Variants in LRRC28 observed in about 807,000 individuals in gnomAD.
LRRC28 encodes the protein leucine rich repeat containing 28.
Under a neutral mutation model 45.7 loss-of-function variants are expected in LRRC28, and 39 were observed. The ratio of observed to expected loss-of-function variants is 0.85; its 90% CI spans 0.66 to 1.12. The LOEUF (loss-of-function observed/expected upper bound fraction) is 1.12, where lower values mean the gene tolerates loss of function less well. LRRC28 is among the 50% of genes most tolerant of loss of function. The probability of loss-of-function intolerance (pLI) is 0.00; values close to 1 mark genes in which losing one functional copy is unlikely to be tolerated. For missense variants in LRRC28, 435 were observed against 438.5 expected (o/e 0.99, Z 0.07); for synonymous variants, 206 against 178.8 (o/e 1.15, Z -1.22).
chr15:99,387,283 A>C lies in LRRC28; in HGVS notation c.*1181A>C, dbSNP rs1052788713. On this transcript the variant is annotated 3_prime_UTR_variant, in exon 10 of 10. Coordinates refer to ENST00000301981, the MANE Select transcript of LRRC28 (RefSeq NM_144598.5). ...CACCGTGTTAGCCGGGATGGTCTCG[A>C]TCTCCTGACCTCGTGATCCGCACGC... is the stretch of plus-strand genomic sequence containing the variant. The C allele has an allele frequency of 6.6e-6, 1 of 151,350 alleles. No homozygotes were observed. Among genetic ancestry groups the C allele is most frequent in the Non-Finnish European group, 1.5e-5 (1 of 67,824 alleles). The allele number at this position is 151,350 out of a possible 1,614,324, so 9.4% of individuals were successfully genotyped here. A position where few individuals can be genotyped will look rare whatever the true frequency, so the allele number is the denominator to read the frequency against.
At chr15:99,298,406 C>T (rs2082319887) in intron 5 of LRRC28, among the ~76,000 whole-genome samples, 1 of 152,148 alleles carries the variant, frequency 6.6e-6, no homozygotes, top group African/African-American at 2.4e-5. Flanking sequence ...GTATTTTCCA[C>T]TATTTATCTC....
At chr15:99,335,909 C>G (rs962831067) in intron 6 of LRRC28, among the ~76,000 whole-genome samples, 1 of 152,128 alleles carries the variant, frequency 6.6e-6, no homozygotes. Context: ...ATGCAACTTA[C>G]TGGCATAACA....
chr15:99,295,074 A>G (rs2082228533), intron 5 of LRRC28, among the ~76,000 whole-genome samples: 1 of 152,068 alleles, frequency 6.6e-6, no homozygotes, highest in African/African-American at 2.4e-5. Context: ...CAATTGCTTC[A>G]TATGTTTTTG....
At chr15:99,366,241 C>T (rs568204323) in intron 9 of LRRC28, among the ~76,000 whole-genome samples, 1 of 152,126 alleles carries the variant, frequency 6.6e-6, no homozygotes, top group African/African-American at 2.4e-5. Flanking sequence ...GGGATCTGTT[C>T]CAGGCCTCCA....
chr15:99,342,160 C>T (rs1956535833), intron 6 of LRRC28, among the ~76,000 whole-genome samples: 2 of 152,290 alleles, frequency 1.3e-5, no homozygotes, highest in South Asian at 4.1e-4. Context: ...ACCTTTAAAG[C>T]AAGCAAAGAG....
At chr15:99,275,155 C>G (rs1034446810) in intron 2 of LRRC28, among the ~76,000 whole-genome samples, 1 of 152,156 alleles carries the variant, frequency 6.6e-6, no homozygotes, top group Non-Finnish European at 1.5e-5. Context: ...TGTGTGTGTG[C>G]GTATGCAGAC....
At chr15:99,302,279 G>A (rs1239570869) in intron 5 of LRRC28, among the ~76,000 whole-genome samples, 6 of 152,154 alleles carry the variant, frequency 3.9e-5, no homozygotes, top group South Asian at 2.1e-4. Flanking sequence ...TGCCCGCCTC[G>A]GCCTCCCAAA....
chr15:99,286,204 C>A (rs1414691819), intron 3 of LRRC28, among the ~76,000 whole-genome samples: 2 of 152,210 alleles, frequency 1.3e-5, no homozygotes, highest in Non-Finnish European at 2.9e-5. Flanking sequence ...AATCGCGGCT[C>A]ACTGCAACCT....
intron 9 of LRRC28, among the ~76,000 whole-genome samples, chr15:99,379,714 G>A (rs1957759091): frequency 6.6e-6 from 1 of 152,188 alleles, no homozygotes; most frequent in African/African-American, 2.4e-5. Flanking sequence ...TGCTTTAAAT[G>A]TGTCCCAGAG....
chr15:99,312,730 C>G (rs989955729), intron 5 of LRRC28, among the ~76,000 whole-genome samples: 2 of 152,116 alleles, frequency 1.3e-5, no homozygotes, highest in Non-Finnish European at 2.9e-5. Flanking sequence ...GTTACAATGG[C>G]TACAACTCTC....
intron 6 of LRRC28, among the ~76,000 whole-genome samples, chr15:99,347,324 C>T (rs898170646): frequency 1.3e-5 from 2 of 152,246 alleles, no homozygotes; most frequent in East Asian, 3.9e-4. Flanking sequence ...CTTCTCTTGC[C>T]TCAGCCTCCC....
chr15:99,284,762 A>C (rs1483929772), intron 3 of LRRC28: 3 of 528,242 alleles, frequency 5.7e-6, no homozygotes, highest in Non-Finnish European at 1.1e-5. Context: ...TCATGGGTTC[A>C]AAATTTGAAG....
chr15:99,370,133 A>C (rs1472565738), intron 9 of LRRC28, among the ~76,000 whole-genome samples: 1 of 152,240 alleles, frequency 6.6e-6, no homozygotes, highest in Non-Finnish European at 1.5e-5. Context: ...AACTGGGCCA[A>C]GGTGTCATAG....
chr15:99,283,595 G>A (rs1042749041), intron 3 of LRRC28, among the ~76,000 whole-genome samples: 2 of 120,360 alleles, frequency 1.7e-5, no homozygotes, highest in East Asian at 2.5e-4. Flanking sequence ...TAGCCTGGAC[G>A]ACAGAGGGAG....
intron 9 of LRRC28, among the ~76,000 whole-genome samples, chr15:99,381,843 G>A (rs1567714890): frequency 1.3e-5 from 2 of 152,248 alleles, no homozygotes; most frequent in African/African-American, 4.8e-5. Context: ...CTGCAGAACA[G>A]CAAATATTGC....
intron 5 of LRRC28, among the ~76,000 whole-genome samples, chr15:99,329,190 T>C (rs907438242): frequency 6.6e-6 from 1 of 152,174 alleles, no homozygotes; most frequent in African/African-American, 2.4e-5. Context: ...GGCTACTTAA[T>C]GGTAAAAGAT....
intron 9 of LRRC28, among the ~76,000 whole-genome samples, chr15:99,364,348 G>A (rs148906280): frequency 4.5e-4 from 68 of 152,302 alleles, no homozygotes; most frequent in African/African-American, 1.5e-3. Flanking sequence ...CTCTACTCAC[G>A]CCATCCCAAA....
intron 6 of LRRC28, among the ~76,000 whole-genome samples, chr15:99,336,207 G>A (rs553576843): frequency 2.8e-4 from 43 of 152,078 alleles, no homozygotes; most frequent in Non-Finnish European, 4.7e-4. Flanking sequence ...CTATACATAT[G>A]CTCACTAATT....
intron 2 of LRRC28, 113 bp downstream of exon 2, chr15:99,256,238 TATACAGTTAA>T (rs1305138984): frequency 6.8e-6 from 5 of 737,356 alleles, no homozygotes; most frequent in Non-Finnish European, 1.0e-5. Flanking sequence ...TGTTGTTATA[TATACAGTTAA>T]TATAAATACA....
Sources: allele counts gnomAD v4.1 joint callset (sites outside exome capture counted in the v4.1 genomes callset), GRCh38; gene constraint gnomAD v4.1.1; transcripts MANE v1.5; gene names NCBI Gene and HGNC (gene_info 2026-07-23, HGNC 2026-07-21).